The following RIPOR2 variants were observed in gnomAD, a reference collection of about 807,000 sequenced individuals.
RIPOR2 encodes the protein rho family-interacting cell polarization regulator 2.
RIPOR2 carries 39 observed loss-of-function variants against 114.5 expected under a neutral mutation model. The ratio of observed to expected loss-of-function variants is 0.34; its 90% CI spans 0.26 to 0.44. The LOEUF (loss-of-function observed/expected upper bound fraction) is 0.44, where lower values mean the gene tolerates loss of function less well. Among genes scored for constraint, RIPOR2 ranks in the 20% least tolerant of loss-of-function variants. The pLI is 1.00. For synonymous variants in RIPOR2, 445 were observed against 484.4 expected (o/e 0.92, Z 1.07); for missense variants, 1,007 against 1,255.1 (o/e 0.80, Z 2.99).
At chr6:24,953,892 CT>C (rs1772904155) in intron 1 of RIPOR2, among the ~76,000 whole-genome samples, 2 of 94,136 alleles carry the variant, frequency 2.1e-5, no homozygotes, top group Non-Finnish European at 5.3e-5. Flanking sequence ...AAAGGCTCCC[CT>C]GTCATGTAAA....
upstream of RIPOR2, among the ~76,000 whole-genome samples, chr6:24,937,473 C>T (rs1342477358): frequency 6.6e-6 from 1 of 152,184 alleles, no homozygotes; most frequent in African/African-American, 2.4e-5. Flanking sequence ...TGCATCTCCC[C>T]TTTCTGACCC....
At chr6:25,030,275 T>C (rs1047352500) in intron 1 of RIPOR2, among the ~76,000 whole-genome samples, 1 of 152,134 alleles carries the variant, frequency 6.6e-6, no homozygotes, top group Non-Finnish European at 1.5e-5. Flanking sequence ...TTACTGCTGA[T>C]TGAATAAACT....
chr6:24,840,868 C>G (rs1581550596), intron 13 of RIPOR2: 1 of 1,190,666 alleles, frequency 8.4e-7, no homozygotes, highest in East Asian at 2.6e-5. Flanking sequence ...CAGACCTAAA[C>G]ACACTCACTA....
At chr6:25,031,698 GTTATATATATATATATATATATATAT>G (rs1346483192) in intron 1 of RIPOR2, among the ~76,000 whole-genome samples, 2 of 47,996 alleles carry the variant, frequency 4.2e-5, no homozygotes, top group African/African-American at 7.3e-5. Flanking sequence ...GTAGGTGGTA[GTTATATATATATATATATATATATAT>G]ATATATATAT....
At chr6:24,913,507 C>T (rs1769829899) in intron 1 of RIPOR2, among the ~76,000 whole-genome samples, 1 of 152,154 alleles carries the variant, frequency 6.6e-6, no homozygotes, top group Non-Finnish European at 1.5e-5. Flanking sequence ...AGAACAGGTA[C>T]ATGTGTGACT....
At chr6:24,930,855 G>A (rs216259) in intron 1 of RIPOR2, among the ~76,000 whole-genome samples, 117,966 of 152,180 alleles carry the variant, frequency 0.78, 46,307 homozygotes, top group African/African-American at 0.9. Flanking sequence ...TTCCAATCCC[G>A]TTATTGGGTC....
chr6:24,817,869 A>C (rs1759301164), intron 20 of RIPOR2, among the ~76,000 whole-genome samples: 1 of 152,102 alleles, frequency 6.6e-6, no homozygotes, highest in African/African-American at 2.4e-5. Context: ...CTTCTTTTCA[A>C]ATCTTATTTG....
At chr6:25,022,361 T>C (rs990529121) in intron 1 of RIPOR2, among the ~76,000 whole-genome samples, 1 of 152,154 alleles carries the variant, frequency 6.6e-6, no homozygotes, top group African/African-American at 2.4e-5. Context: ...TCACTTAGGA[T>C]AATGCATTTG....
chr6:24,976,385 C>T (rs1774044978), intron 1 of RIPOR2: 33 of 1,335,240 alleles, frequency 2.5e-5, no homozygotes, highest in Admixed American at 7.5e-5. Flanking sequence ...GCTTTGCAGA[C>T]GCCGCCGCCG....
At chr6:25,039,962 C>T (rs1453922556) in intron 1 of RIPOR2, among the ~76,000 whole-genome samples, 5 of 152,132 alleles carry the variant, frequency 3.3e-5, no homozygotes, top group East Asian at 1.9e-4. Flanking sequence ...AGCTTGCCTC[C>T]GAAACTAGTA....
At chr6:24,961,384 C>G (rs1773299726) in intron 1 of RIPOR2, among the ~76,000 whole-genome samples, 1 of 152,062 alleles carries the variant, frequency 6.6e-6, no homozygotes, top group African/African-American at 2.4e-5. Flanking sequence ...TGAGCAACAC[C>G]TAAGAAGTCC....
At chr6:24,910,378 C>G (rs1422533678) in intron 1 of RIPOR2, among the ~76,000 whole-genome samples, 1 of 152,174 alleles carries the variant, frequency 6.6e-6, no homozygotes, top group Non-Finnish European at 1.5e-5. Context: ...CAGCCCTGAG[C>G]TGGATTCCCC....
intron 1 of RIPOR2, among the ~76,000 whole-genome samples, chr6:24,941,062 C>G (rs1372186357): frequency 1.3e-5 from 2 of 152,078 alleles, no homozygotes; most frequent in East Asian, 1.9e-4. Flanking sequence ...CCTCCCAGAG[C>G]CTTTAGAAGT....
At chr6:24,949,071 A>G (rs1772611839) in intron 1 of RIPOR2, among the ~76,000 whole-genome samples, 1 of 114,302 alleles carries the variant, frequency 8.7e-6, no homozygotes, top group South Asian at 2.9e-4. Context: ...CTCTTCAAAT[A>G]GTATCTTTTT....
intron 1 of RIPOR2, chr6:25,041,819 A>G: frequency 1.4e-6 from 1 of 696,216 alleles, no homozygotes; most frequent in South Asian, 1.5e-5. Context: ...AAACAAAGGC[A>G]GAGAGTAGGT....
At chr6:24,840,287 G>C in intron 13 of RIPOR2, 3 of 1,043,066 alleles carry the variant, frequency 2.9e-6, no homozygotes, top group Non-Finnish European at 3.5e-6. Context: ...AAGAATGAAT[G>C]CCTTGGGCAT....
At chr6:24,834,487 T>C (rs1185847380) in intron 15 of RIPOR2, among the ~76,000 whole-genome samples, 1 of 152,018 alleles carries the variant, frequency 6.6e-6, no homozygotes, top group Non-Finnish European at 1.5e-5. Context: ...TTTTCTTTTC[T>C]TTTTTTAATG....
chr6:24,911,836 A>G (rs192304900), intron 1 of RIPOR2, among the ~76,000 whole-genome samples: 2 of 152,296 alleles, frequency 1.3e-5, no homozygotes, highest in African/African-American at 4.8e-5. Flanking sequence ...TCATCTGTTA[A>G]GTGATCATAA....
chr6:24,896,268 G>A (rs545007710), intron 1 of RIPOR2, among the ~76,000 whole-genome samples: 1 of 152,280 alleles, frequency 6.6e-6, no homozygotes, highest in African/African-American at 2.4e-5. Flanking sequence ...GTATAATAGG[G>A]ATAATAAAAG....
Sources: allele counts gnomAD v4.1 joint callset (sites outside exome capture counted in the v4.1 genomes callset), GRCh38; gene constraint gnomAD v4.1.1; transcripts MANE v1.5; gene names NCBI Gene and HGNC (gene_info 2026-07-23, HGNC 2026-07-21).